Variants in C8orf82 observed in about 807,000 individuals in gnomAD.
The protein encoded by C8orf82 is UPF0598 protein C8orf82.
Under a neutral mutation model 15.0 loss-of-function variants are expected in C8orf82, and 24 were observed. The ratio of observed to expected loss-of-function variants is 1.60; its 90% confidence interval spans 1.16 to 2.24. The LOEUF (loss-of-function observed/expected upper bound fraction) is 2.24. Among genes scored for constraint, C8orf82 ranks in the 30% most tolerant of loss-of-function variants. C8orf82 has a pLI of 0.00. For missense variants in C8orf82, 388 were observed against 317.4 expected (o/e 1.22, Z -1.69); for synonymous variants, 205 against 152.2 (o/e 1.35, Z -2.55).
At position 144,529,020 on chromosome 8, in the gene C8orf82, C is replaced by A. The variant is rs976244712; in HGVS notation, c.-104G>T. 5.7e-6 allele frequency: 7 copies of A among 1,219,270 alleles called. No homozygotes were observed. The highest frequency in any genetic ancestry group is 7.4e-6 in the Non-Finnish European group (7 of 940,974). 75.5% of individuals were successfully genotyped at this position (1,219,270 alleles called of 1,614,324 possible). Reference sequence around the variant, plus strand: ...CCGCGCTTCGCGTTCCGGCGGCGCCCGCCTCCGCGACCCGGGCCCGGCGCT... The same window carrying A: ...CCGCGCTTCGCGTTCCGGCGGCGCCAGCCTCCGCGACCCGGGCCCGGCGCT... On this transcript the variant is annotated 5_prime_UTR_variant, in exon 1 of 3. Coordinates refer to ENST00000524821, the MANE Select transcript of C8orf82 (RefSeq NM_001001795.2).
In C8orf82 at chr8:144,526,502, A is replaced by G. The variant is rs1816365508; in HGVS notation, c.*840T>C. 1 of 152,260 alleles carries G rather than the reference A, an allele frequency of 6.6e-6. No homozygotes were observed. The highest frequency in any genetic ancestry group is 2.1e-4 in the South Asian group (1 of 4,834). The allele number at this position is 152,260 out of a possible 1,614,324, so 9.4% of individuals were successfully genotyped here. A position where few individuals can be genotyped will look rare whatever the true frequency, so the allele number is the denominator to read the frequency against. ...GCAGATCGGTGTAGAAAGGCCTGCC[A>G]GGGCAGGGATGAGGGCCCCAAGCTG... On this transcript the variant is annotated 3_prime_UTR_variant, in exon 3 of 3. Transcript: ENST00000524821.
Position 144,529,040 on chromosome 8 carries a change from G to T in C8orf82, c.-124C>A. 9.6e-7 allele frequency: 1 copy of T among 1,044,082 alleles called. No individual in the cohort carries two copies. The highest frequency in any genetic ancestry group is 1.3e-6 in the Non-Finnish European group (1 of 785,966). 64.7% of individuals were successfully genotyped at this position (1,044,082 alleles called of 1,614,324 possible). The stretch of plus-strand genomic sequence containing the variant: ...GCGCCCGCCTCCGCGACCCGGGCCC[G>T]GCGCTCTTCCCTCTCCCTCGGGCCT... On this transcript the variant is annotated 5_prime_UTR_variant, in exon 1 of 3. Transcript: ENST00000524821.
intron 1 of C8orf82, 179 bp downstream of exon 1, chr8:144,528,580 GCT>G (rs1290641670): frequency 8.2e-7 from 1 of 1,213,918 alleles, no homozygotes. Context: ...CTCTCCTCCA[GCT>G]CTGAGGAGTC....
rs1816406051 is a variant in C8orf82, at chr8:144,527,359, C to A, written c.634G>T (p.Ala212Ser). The A allele has an allele frequency of 8.2e-7, 1 of 1,212,578 alleles. No individual in the cohort carries two copies. Among genetic ancestry groups the A allele is most frequent in the African/African-American group, 1.6e-5 (1 of 62,010 alleles). 75.1% of individuals were successfully genotyped at this position (1,212,578 alleles called of 1,614,324 possible). Residue 212 changes from alanine (A) to serine (S), a missense_variant, in exon 3 of 3, where the codon GCG (alanine) becomes TCG (serine). Transcript: ENST00000524821. The stretch of plus-strand genomic sequence containing the variant: ...GGCCCCGCTCAGGGCGACCGAGCCG[C>A]GAGCAGCAGCGGGGCCAGGTCCATG... ...LTMDLAPLLL[A>S]ARSP
chr8:144,528,040 GA>G lies in C8orf82; in HGVS notation c.188del (p.Phe63SerfsTer18). The G allele has an allele frequency of 6.2e-7, 1 of 1,612,828 alleles. No homozygotes were observed. The highest frequency in any genetic ancestry group is 8.5e-7 in the Non-Finnish European group (1 of 1,179,924). On this transcript the variant is annotated frameshift_variant, in exon 2 of 3. Transcript: ENST00000524821. LOFTEE classifies it high-confidence loss of function. ...LFLDDSKMKN[F>X]ITCFKDPQFL... is the part of the protein sequence containing the mutation. ...CAGCATTACCTTTGAAGCAGGTGATGAAATTCTTCATTTTGGAATCATCCAG... is the reference window on the plus strand; with the variant it reads ...CAGCATTACCTTTGAAGCAGGTGATGAATTCTTCATTTTGGAATCATCCAG...
At position 144,527,751 on chromosome 8, in the gene C8orf82, C is replaced by T. The variant is rs554293715; in HGVS notation, c.242G>A (p.Arg81Lys). Residue 81 changes from arginine (R) to lysine (K), a missense_variant, in exon 3 of 3, where the codon AGA (arginine) becomes AAA (lysine). By Grantham distance (26) the Arg-to-Lys change is conservative. Transcript: ENST00000524821. ...QFLVTFFSRL[R>K]PNRSGRYEAA... The stretch of plus-strand genomic sequence containing the variant: ...CTCGTAGCGCCCGCTGCGGTTGGGT[C>T]TCAGGCGGGAGAAGAAGGTGACCAG... 25 of 1,594,526 alleles carry T rather than the reference C, an allele frequency of 1.6e-5. No individual in the cohort carries two copies. In the East Asian group the frequency reaches 4.7e-4, roughly 30 times the overall value.
chr8:144,528,598 TGCCCACCGCGCAG>T, intron 1 of C8orf82, 150 bp downstream of exon 1: 1 of 1,129,726 alleles, frequency 8.9e-7, no homozygotes, highest in Non-Finnish European at 1.2e-6. Flanking sequence ...GAGTCGAGGT[TGCCCACCGCGCAG>T]GCCCCGCCCA....
In C8orf82 at chr8:144,528,854, G is replaced by A. The variant is rs757285016; in HGVS notation, c.63C>T (p.Ala21=). 3 of 1,521,294 alleles carry A rather than the reference G, an allele frequency of 2.0e-6. No individual in the cohort carries two copies. The highest frequency in any genetic ancestry group is 2.5e-5 in the South Asian group (2 of 80,524). 94.2% of individuals were successfully genotyped at this position (1,521,294 alleles called of 1,614,324 possible). A position where few individuals can be genotyped will look rare whatever the true frequency, so the allele number is the denominator to read the frequency against. Residue 21 remains alanine (A), a synonymous_variant, in exon 1 of 3, where the codon GCC becomes GCT. Transcript: ENST00000524821. ...LALARSRGAR[A]CSGDGGVSYT... ...AGGAAACGCCCCCATCCCCGCTGCA[G>A]GCCCGGGCTCCCCGCGACCGCGCCA...
At position 144,528,955 on chromosome 8, in the gene C8orf82, G is replaced by A; in HGVS notation, c.-39C>T. 1.3e-6 allele frequency: 2 copies of A among 1,481,724 alleles called. No individual in the cohort carries two copies. Among genetic ancestry groups the A allele is most frequent in the Non-Finnish European group, 1.8e-6 (2 of 1,120,702 alleles). The allele number at this position is 1,481,724 out of a possible 1,614,324, so 91.8% of individuals were successfully genotyped here. On this transcript the variant is annotated 5_prime_UTR_variant, in exon 1 of 3. Transcript: ENST00000524821. ...CGGAAGCGACCAGCAGGTCACGCCG[G>A]GGGCGGTGCTGCGCGAACTCGCGCC...
rs938492092 is a variant in C8orf82, at chr8:144,526,152, G to A, written c.*1190C>T. 1 of 152,226 alleles carries A rather than the reference G, an allele frequency of 6.6e-6. No homozygotes were observed. Among genetic ancestry groups the A allele is most frequent in the Non-Finnish European group, 1.5e-5 (1 of 68,044 alleles). 9.4% of individuals were successfully genotyped at this position (152,226 alleles called of 1,614,324 possible). ...CATGTGGAAAGGGACAGGACCAAGT[G>A]GCCTTGGTGTTTAAATCTTGCCCTA... On this transcript the variant is annotated 3_prime_UTR_variant, in exon 3 of 3. Coordinates refer to ENST00000524821, the MANE Select transcript of C8orf82 (RefSeq NM_001001795.2).
rs953084445 is a variant in C8orf82, at chr8:144,528,893, G to A, written c.24C>T (p.Leu8=). The change falls in exon 1 of 3, where the codon CTC becomes CTT. Residue 8 remains leucine (L), a synonymous_variant. Transcript: ENST00000524821. The part of the protein sequence containing the change: MWPPCGT[L]RTLALARSRG... ...GCGACCGCGCCAAGGCCAGGGTCCG[G>A]AGCGTCCCGCAAGGCGGCCACATTC... 1.3e-6 allele frequency: 2 copies of A among 1,514,288 alleles called. No homozygotes were observed. Among genetic ancestry groups the A allele is most frequent in the Admixed American group, 2.2e-5 (1 of 46,408 alleles). The allele number at this position is 1,514,288 out of a possible 1,614,324, so 93.8% of individuals were successfully genotyped here.
rs1259344386 is a variant in C8orf82 at position 144,528,983 on chromosome 8, C to T, written c.-67G>A. On this transcript the variant is annotated 5_prime_UTR_variant, in exon 1 of 3. Transcript: ENST00000524821. Reference sequence around the variant, plus strand: ...GCGGTGCTGCGCGAACTCGCGCCTGCCCGCAGTAGCCCCGCGCTTCGCGTT... The same window carrying T: ...GCGGTGCTGCGCGAACTCGCGCCTGTCCGCAGTAGCCCCGCGCTTCGCGTT... 3.6e-6 allele frequency: 5 copies of T among 1,387,228 alleles called. No individual in the cohort carries two copies. The highest frequency in any genetic ancestry group is 1.5e-5 in the South Asian group (1 of 65,594). 85.9% of individuals were successfully genotyped at this position (1,387,228 alleles called of 1,614,324 possible). A position where few individuals can be genotyped will look rare whatever the true frequency, so the allele number is the denominator to read the frequency against.
rs903307527 is a variant in C8orf82, at chr8:144,527,133, T to G, written c.*209A>C. On this transcript the variant is annotated 3_prime_UTR_variant, in exon 3 of 3. Transcript: ENST00000524821. ...CAATCCGGAGGGCGCCGGAGTCGGG[T>G]GCGCGGGGGGCGCGCGCCGTGGGGA... 4.5e-6 allele frequency: 1 copy of G among 223,902 alleles called. No homozygotes were observed. Among genetic ancestry groups the G allele is most frequent in the Non-Finnish European group, 8.2e-6 (1 of 121,456 alleles). 13.9% of individuals were successfully genotyped at this position (223,902 alleles called of 1,614,324 possible). A position where few individuals can be genotyped will look rare whatever the true frequency, so the allele number is the denominator to read the frequency against.
intron 1 of C8orf82, 55 bp downstream of exon 1, chr8:144,528,706 G>A (rs1456891075): frequency 1.6e-5 from 3 of 193,166 alleles, no homozygotes; most frequent in Non-Finnish European, 2.2e-5. Flanking sequence ...CCCCCGCCCC[G>A]CCCAGAGACC....
chr8:144,528,845 C>G lies in C8orf82; in HGVS notation c.72G>C (p.Gly24=), dbSNP rs946291430. The change falls in exon 1 of 3, where the codon GGG becomes GGC. Residue 24 remains glycine, a synonymous_variant. Transcript: ENST00000524821. ...ARSRGARACS[G]DGGVSYTQGQ... ...CCTGCGTGTAGGAAACGCCCCCATCCCCGCTGCAGGCCCGGGCTCCCCGCG... is the reference window on the plus strand; with the variant it reads ...CCTGCGTGTAGGAAACGCCCCCATCGCCGCTGCAGGCCCGGGCTCCCCGCG... 2.6e-6 allele frequency: 4 copies of G among 1,521,094 alleles called. No homozygotes were observed. Among genetic ancestry groups the G allele is most frequent in the Non-Finnish European group, 3.5e-6 (4 of 1,136,600 alleles). 94.2% of individuals were successfully genotyped at this position (1,521,094 alleles called of 1,614,324 possible).
chr8:144,526,048 C>G lies in C8orf82; in HGVS notation c.*1294G>C, dbSNP rs1816347255. 6.6e-6 allele frequency: 1 copy of G among 152,186 alleles called. No homozygotes were observed. Among genetic ancestry groups the G allele is most frequent in the African/African-American group, 2.4e-5 (1 of 41,432 alleles). 9.4% of individuals were successfully genotyped at this position (152,186 alleles called of 1,614,324 possible). ...CCCGAAGCCAGGGAAAACAGGGCTG[C>G]AGGTGTCCTGTCTCCCAGCCTCATC... On this transcript the variant is annotated 3_prime_UTR_variant, in exon 3 of 3. Transcript: ENST00000524821.
At position 144,528,862 on chromosome 8, in the gene C8orf82, C is replaced by A. The variant is rs1003418907; in HGVS notation, c.55G>T (p.Ala19Ser). ...CCCCCATCCCCGCTGCAGGCCCGGG[C>A]TCCCCGCGACCGCGCCAAGGCCAGG... Reference protein sequence around the residue: ...RTLALARSRGARACSGDGGVS... With the variant: ...RTLALARSRGSRACSGDGGVS... Residue 19 changes from alanine to serine, a missense_variant, in exon 1 of 3, where the codon GCC becomes TCC. By Grantham distance (99) the Ala-to-Ser change is moderately conservative. Transcript: ENST00000524821. 6 of 1,519,056 alleles carry A rather than the reference C, an allele frequency of 3.9e-6. No individual in the cohort carries two copies. The African/African-American group carries it at 4.3e-5, about 11-fold the overall frequency. The allele number at this position is 1,519,056 out of a possible 1,614,324, so 94.1% of individuals were successfully genotyped here.
chr8:144,529,052 T>A lies in C8orf82; in HGVS notation c.-136A>T. The A allele has an allele frequency of 2.2e-6, 2 of 899,570 alleles. No individual in the cohort carries two copies. Among genetic ancestry groups the A allele is most frequent in the Non-Finnish European group, 1.5e-6 (1 of 658,636 alleles). The allele number at this position is 899,570 out of a possible 1,614,324, so 55.7% of individuals were successfully genotyped here. On this transcript the variant is annotated 5_prime_UTR_variant, in exon 1 of 3. Transcript: ENST00000524821. ...GCGACCCGGGCCCGGCGCTCTTCCC[T>A]CTCCCTCGGGCCTCGGGGGCTCGCC...
At chr8:144,527,993 G>C in intron 2 of C8orf82, 31 bp downstream of exon 2, 1 of 1,609,722 alleles carries the variant, frequency 6.2e-7, no homozygotes, top group Non-Finnish European at 8.5e-7. Context: ...AAGGGAGAAA[G>C]AAGGGGCTGG....
Sources: allele counts gnomAD v4.1 joint callset, GRCh38; gene constraint gnomAD v4.1.1; transcripts MANE v1.5; gene names NCBI Gene and HGNC (gene_info 2026-07-23, HGNC 2026-07-21).